GLI2: variants seen among roughly 807,000 people sequenced by gnomAD.
GLI2 encodes GLI family zinc finger 2.
GLI2 carries 22 observed loss-of-function variants against 78.9 expected under a neutral mutation model. That is an observed-to-expected ratio of 0.28 (90% CI 0.20 to 0.40). The LOEUF (loss-of-function observed/expected upper bound fraction) is 0.40, where lower values mean the gene tolerates loss of function less well. Ranked by LOEUF, GLI2 falls within the 10% of genes least tolerant of loss-of-function variation. The pLI is 1.00. For missense variants in GLI2, 2,097 were observed against 2,213.2 expected, an observed-to-expected ratio of 0.95 and a Z score of 1.05; for synonymous variants, 974 against 963.7, an observed-to-expected ratio of 1.01 and a Z score of -0.20.
At chr2:120,822,440 G>T (rs569324204) in intron 2 of GLI2, among the ~76,000 whole-genome samples, 2 of 152,304 alleles carry the variant, frequency 1.3e-5, no homozygotes, top group East Asian at 3.9e-4. Context: ...ACCCTCACAG[G>T]GTCCTTGCAT....
intron 2 of GLI2, among the ~76,000 whole-genome samples, chr2:120,923,745 C>T (rs1679521243): frequency 6.6e-6 from 1 of 152,134 alleles, no homozygotes; most frequent in African/African-American, 2.4e-5. Context: ...TACACACATA[C>T]ACGCACTGCA....
At chr2:120,836,892 CT>C (rs1311315627) in intron 2 of GLI2, among the ~76,000 whole-genome samples, 1 of 152,182 alleles carries the variant, frequency 6.6e-6, no homozygotes, top group Non-Finnish European at 1.5e-5. Flanking sequence ...TTCAGCCTCA[CT>C]TTTCATGAAA....
At chr2:120,984,183 G>T (rs554739847) in intron 11 of GLI2, among the ~76,000 whole-genome samples, 1 of 152,238 alleles carries the variant, frequency 6.6e-6, no homozygotes, top group East Asian at 1.9e-4. Context: ...TCATTGAGAG[G>T]CAGCATTGTG....
At chr2:120,763,725 C>T (rs568397840) in intron 1 of GLI2, among the ~76,000 whole-genome samples, 1 of 152,242 alleles carries the variant, frequency 6.6e-6, no homozygotes, top group Non-Finnish European at 1.5e-5. Flanking sequence ...GCCCTCTTGC[C>T]CCACGCCCGG....
intron 2 of GLI2, among the ~76,000 whole-genome samples, chr2:120,807,963 C>G (rs935717317): frequency 6.6e-6 from 1 of 152,078 alleles, no homozygotes; most frequent in Non-Finnish European, 1.5e-5. Flanking sequence ...GCCCTTGGCT[C>G]TTTCCCCTTG....
intron 1 of GLI2, among the ~76,000 whole-genome samples, chr2:120,775,442 G>A (rs1036294415): frequency 2.6e-5 from 4 of 152,202 alleles, no homozygotes; most frequent in African/African-American, 7.2e-5. Flanking sequence ...TGTGCCTGCT[G>A]GATGGCTTCT....
At chr2:120,804,291 T>C (rs1282879923) in intron 2 of GLI2, among the ~76,000 whole-genome samples, 1 of 152,204 alleles carries the variant, frequency 6.6e-6, no homozygotes, top group East Asian at 1.9e-4. Context: ...ACTCTGTCTT[T>C]TTCTGTGCCT....
chr2:120,825,010 A>AT (rs908169672), intron 2 of GLI2, among the ~76,000 whole-genome samples: 12 of 151,858 alleles, frequency 7.9e-5, no homozygotes, highest in African/African-American at 2.9e-4. Flanking sequence ...TTATTTTTGT[A>AT]TTTTTTATAG....
chr2:120,857,553 TCACCCACCTATCCATCCATC>T (rs1471687666), intron 2 of GLI2, among the ~76,000 whole-genome samples: 1 of 101,726 alleles, frequency 9.8e-6, no homozygotes, highest in African/African-American at 3.7e-5. Context: ...GCCCACCCAC[TCACCCACCTATCCATCCATC>T]CACCCACCCA....
intron 1 of GLI2, among the ~76,000 whole-genome samples, chr2:120,753,726 G>A (rs943732222): frequency 3.9e-5 from 6 of 151,932 alleles, no homozygotes; most frequent in Non-Finnish European, 8.8e-5. Flanking sequence ...GTGAAACCCC[G>A]TCTCTACTAA....
At chr2:120,886,131 C>T (rs1447283558) in intron 2 of GLI2, among the ~76,000 whole-genome samples, 1 of 142,786 alleles carries the variant, frequency 7.0e-6, no homozygotes, top group Non-Finnish European at 1.5e-5. Context: ...GAGACAGGGT[C>T]TTGGAACCCC....
chr2:120,968,452 A>G (rs928941909), intron 5 of GLI2, among the ~76,000 whole-genome samples: 1 of 152,220 alleles, frequency 6.6e-6, no homozygotes, highest in African/African-American at 2.4e-5. Context: ...CACTATGCTC[A>G]GTGCTCATAT....
At chr2:120,933,532 C>A (rs987705472) in intron 3 of GLI2, among the ~76,000 whole-genome samples, 2 of 152,170 alleles carry the variant, frequency 1.3e-5, no homozygotes, top group Non-Finnish European at 2.9e-5. Context: ...CCACACACCC[C>A]CAGCAGTCTC....
At chr2:120,897,014 C>A (rs1430133214) in intron 2 of GLI2, among the ~76,000 whole-genome samples, 1 of 152,222 alleles carries the variant, frequency 6.6e-6, no homozygotes, top group Non-Finnish European at 1.5e-5. Context: ...AACGTGTCCA[C>A]CTCTGTCCCA....
rs773737195 is a variant in GLI2 at position 120,978,510 on chromosome 2, A to C, written c.1394A>C (p.Lys465Thr). The part of the protein sequence containing the change: ...CRWQACTREQ[K>T]PFKAQYMLVV... The stretch of plus-strand genomic sequence containing the variant: ...TGGCAGGCCTGCACGCGGGAGCAGA[A>C]GCCCTTCAAGGCGCAGTACATGCTG... Residue 465 changes from lysine (K) to threonine (T), a missense_variant, in exon 10 of 14, where the codon AAG becomes ACG. This residue lies in a region of GLI2 where 104 missense variants were observed against 190.6 expected (regional missense o/e 0.55). Coordinates refer to ENST00000361492, the MANE Select transcript of GLI2 (RefSeq NM_001374353.1). The C allele has an allele frequency of 9.9e-6, 16 of 1,614,158 alleles. 1 individual carries two copies. In the Admixed American group the frequency reaches 1.5e-4, roughly 15 times the overall value.
intron 3 of GLI2, among the ~76,000 whole-genome samples, chr2:120,929,103 G>A (rs1679828699): frequency 6.6e-6 from 1 of 152,184 alleles, no homozygotes; most frequent in Non-Finnish European, 1.5e-5. Flanking sequence ...TATATAAGAT[G>A]TCTCTGGGTT....
intron 2 of GLI2, among the ~76,000 whole-genome samples, chr2:120,926,749 G>C (rs1679695989): frequency 6.6e-6 from 1 of 152,186 alleles, no homozygotes; most frequent in Non-Finnish European, 1.5e-5. Context: ...TTCGATCCTG[G>C]GGGCACCCGA....
At chr2:120,955,806 G>C (rs534923166) in intron 5 of GLI2, among the ~76,000 whole-genome samples, 1 of 152,288 alleles carries the variant, frequency 6.6e-6, no homozygotes, top group South Asian at 2.1e-4. Flanking sequence ...GTTTGGAATG[G>C]GGAAGTCAGA....
At chr2:120,801,027 C>G (rs911631993) in intron 2 of GLI2, among the ~76,000 whole-genome samples, 2 of 152,254 alleles carry the variant, frequency 1.3e-5, no homozygotes, top group African/African-American at 4.8e-5. Flanking sequence ...CAGCCTCCCC[C>G]ACCCCTCACT....
Sources: allele counts gnomAD v4.1 joint callset (sites outside exome capture counted in the v4.1 genomes callset), GRCh38; gene constraint gnomAD v4.1.1; regional missense constraint gnomAD v4.1.1; transcripts MANE v1.5; gene names NCBI Gene and HGNC (gene_info 2026-07-23, HGNC 2026-07-21).